SVEP1: variants seen among roughly 807,000 people sequenced by gnomAD.
The protein encoded by SVEP1 is sushi, von Willebrand factor type A, EGF and pentraxin domain-containing protein 1.
Under a neutral mutation model 367.3 loss-of-function variants are expected in SVEP1, and 164 were observed. The observed-to-expected ratio is 0.45, with a 90% CI of 0.39 to 0.51. SVEP1 has a LOEUF of 0.51. Ranked by LOEUF, SVEP1 falls within the 20% of genes least tolerant of loss-of-function variation. The pLI, the probability that SVEP1 is intolerant of heterozygous loss-of-function variation, is 0.00. For missense variants in SVEP1, 4,117 were observed against 4,425.3 expected, an observed-to-expected ratio of 0.93 and a Z score of 1.98; for synonymous variants, 1,666 against 1,611.6, an observed-to-expected ratio of 1.03 and a Z score of -0.81.
intron 10 of SVEP1, among the ~76,000 whole-genome samples, chr9:110,483,010 G>T (rs1829218433): frequency 1.3e-5 from 2 of 152,268 alleles, no homozygotes; most frequent in South Asian, 2.1e-4. Context: ...ACAAACAACT[G>T]ATTTTCTCAA....
chr9:110,405,552 C>A (rs1476248298), intron 38 of SVEP1, among the ~76,000 whole-genome samples: 1 of 151,310 alleles, frequency 6.6e-6, no homozygotes, highest in Non-Finnish European at 1.5e-5. Flanking sequence ...ATTATGAATA[C>A]CTACGTGGAC....
rs751537182 is a variant in SVEP1, at chr9:110,366,203, G to C, written c.*336C>G. ...ATTTAGTAGCAAAATATACTTTAAT[G>C]GAAAAATCATTTTAAGTAACTGAAT... is the stretch of plus-strand genomic sequence containing the variant. On this transcript the variant is annotated 3_prime_UTR_variant, in exon 48 of 48. Transcript: ENST00000374469. 4.5e-6 allele frequency: 1 copy of C among 224,694 alleles called. No individual in the cohort carries two copies. Among genetic ancestry groups the C allele is most frequent in the African/African-American group, 2.3e-5 (1 of 44,052 alleles). 13.9% of individuals were successfully genotyped at this position (224,694 alleles called of 1,614,324 possible). A position where few individuals can be genotyped will look rare whatever the true frequency, so the allele number is the denominator to read the frequency against.
intron 5 of SVEP1, among the ~76,000 whole-genome samples, chr9:110,508,781 A>AGG (rs1829666535): frequency 1.4e-5 from 2 of 141,722 alleles, no homozygotes; most frequent in African/African-American, 5.0e-5. Context: ...AAAAAAAAAA[A>AGG]AAGAAAGAAA....
At chr9:110,510,672 C>A (rs1829696228) in intron 5 of SVEP1, among the ~76,000 whole-genome samples, 1 of 152,128 alleles carries the variant, frequency 6.6e-6, no homozygotes, top group Admixed American at 6.5e-5. Flanking sequence ...GAGGCAGGGG[C>A]CAGACCTTAT....
At chr9:110,395,408 G>C (rs547615847) in intron 40 of SVEP1, among the ~76,000 whole-genome samples, 1 of 152,166 alleles carries the variant, frequency 6.6e-6, no homozygotes, top group East Asian at 1.9e-4. Context: ...ATGCCAAATT[G>C]TAAAGACCAT....
chr9:110,396,711 A>C (rs2118986195), intron 40 of SVEP1, among the ~76,000 whole-genome samples: 1 of 151,556 alleles, frequency 6.6e-6, no homozygotes, highest in South Asian at 2.1e-4. Context: ...AATACTATAA[A>C]CACCTCTAGG....
At position 110,434,318 on chromosome 9, in the gene SVEP1, T is replaced by C. The variant is rs921843349; in HGVS notation, c.5059+18A>G. The C allele has an allele frequency of 2.0e-5, 31 of 1,581,646 alleles. No homozygotes were observed. Among genetic ancestry groups the C allele is most frequent in the Non-Finnish European group, 2.4e-5 (28 of 1,157,874 alleles). On this transcript the variant is annotated intron_variant, in intron 30 of 47. Transcript: ENST00000374469. ...TTTTTCAAAAGTCACTGAAATGGCT[T>C]CAAGAAAGGCAGCTCACGTTCACAG...
intron 15 of SVEP1, 92 bp from the exon 16 acceptor site, chr9:110,471,689 A>AG: frequency 6.8e-6 from 6 of 886,022 alleles, no homozygotes; most frequent in Non-Finnish European, 8.6e-6. Context: ...AAATACTTAA[A>AG]ATCTTTTAGT....
chr9:110,498,887 T>C (rs561204960), intron 7 of SVEP1, among the ~76,000 whole-genome samples, 154 bp downstream of exon 7: 2 of 152,336 alleles, frequency 1.3e-5, no homozygotes, highest in South Asian at 4.1e-4. Flanking sequence ...TTCACCACTT[T>C]CAACCAGAAA....
chr9:110,392,878 T>C (rs1280563924), intron 40 of SVEP1, among the ~76,000 whole-genome samples: 3 of 152,222 alleles, frequency 2.0e-5, no homozygotes, highest in African/African-American at 7.2e-5. Flanking sequence ...TTCTGAATAC[T>C]TTCGATGTGT....
At chr9:110,441,839 C>T (rs1378688423) in intron 27 of SVEP1, among the ~76,000 whole-genome samples, 1 of 152,172 alleles carries the variant, frequency 6.6e-6, no homozygotes, top group Non-Finnish European at 1.5e-5. Context: ...GACAGAACCA[C>T]CTAAGCTACC....
At chr9:110,578,876 GT>G in intron 1 of SVEP1, 136 bp downstream of exon 1, 1 of 983,556 alleles carries the variant, frequency 1.0e-6, no homozygotes, top group Non-Finnish European at 1.5e-6. Context: ...GATGACTCTG[GT>G]TTTGTGGATG....
intron 1 of SVEP1, among the ~76,000 whole-genome samples, chr9:110,554,742 G>A (rs1207242556): frequency 6.6e-6 from 1 of 151,988 alleles, no homozygotes; most frequent in Non-Finnish European, 1.5e-5. Flanking sequence ...GTGTGTGTGT[G>A]TGTGTGTGTG....
At chr9:110,513,164 CT>C (rs371135144) in intron 4 of SVEP1, 59 bp from the exon 5 acceptor site, 93,539 of 999,784 alleles carry the variant, frequency 0.094, 1 homozygote, top group South Asian at 0.13. Flanking sequence ...ATGACATATC[CT>C]TTTTTTTTTT....
chr9:110,473,125 T>C (rs999644893), intron 14 of SVEP1, among the ~76,000 whole-genome samples: 5 of 139,496 alleles, frequency 3.6e-5, no homozygotes, highest in Non-Finnish European at 4.9e-5. Flanking sequence ...TTCTGGCCAT[T>C]CTATTGTTAT....
At chr9:110,571,063 G>A (rs1247439798) in intron 1 of SVEP1, among the ~76,000 whole-genome samples, 1 of 144,996 alleles carries the variant, frequency 6.9e-6, no homozygotes, top group African/African-American at 2.5e-5. Context: ...TGCAACCTCG[G>A]CCTCCCAGGT....
At chr9:110,517,380 C>T (rs1829818394) in intron 3 of SVEP1, among the ~76,000 whole-genome samples, 1 of 151,982 alleles carries the variant, frequency 6.6e-6, no homozygotes. Context: ...GGTGGATCAC[C>T]TGAGGTCAGG....
rs185406620 is a variant in SVEP1 at position 110,489,944 on chromosome 9, C to T, written c.1801-165G>A. 3.7e-4 allele frequency among the ~76,000 whole-genome samples: 57 copies of T among 152,320 alleles called. 1 individual carries two copies. The highest frequency in any genetic ancestry group is 3.0e-3 in the Admixed American group (46 of 15,300). On this transcript the variant is annotated intron_variant, in intron 8 of 47. Coordinates refer to ENST00000374469, the MANE Select transcript of SVEP1 (RefSeq NM_153366.4). ...ATTTCTTTCCAGATTATTCTATTTA[C>T]ATGATTTATAGAATTGGCACACATA...
intron 21 of SVEP1, 49 bp downstream of exon 21, chr9:110,457,207 T>C (rs1466620315): frequency 7.0e-7 from 1 of 1,427,376 alleles, no homozygotes; most frequent in Non-Finnish European, 9.6e-7. Context: ...CAAGTCATAA[T>C]GATTTCATAT....
Sources: gnomAD v4.1 joint callset for allele counts (sites outside exome capture counted in the v4.1 genomes callset) on GRCh38, gnomAD v4.1.1 for gene constraint, MANE v1.5 for transcripts, NCBI Gene and HGNC (gene_info 2026-07-23, HGNC 2026-07-21) for gene names.